RANBP3L: variants seen among roughly 807,000 people sequenced by gnomAD.
The protein encoded by RANBP3L is RAN binding protein 3 like, also known as ran-binding protein 3-like.
In RANBP3L, 56 loss-of-function variants were observed where a neutral mutation model predicts 67.2. That is an observed-to-expected ratio of 0.83 (90% CI 0.67 to 1.04). The LOEUF (loss-of-function observed/expected upper bound fraction) is 1.04. RANBP3L is among the 50% of genes least tolerant of loss of function. The pLI is 0.00. For missense variants in RANBP3L, 496 were observed against 535.5 expected (o/e 0.93, Z 0.73); for synonymous variants, 164 against 181.4 (o/e 0.90, Z 0.77).
At chr5:36,273,901 A>G (rs531615170) in intron 1 of RANBP3L, among the ~76,000 whole-genome samples, 1 of 152,188 alleles carries the variant, frequency 6.6e-6, no homozygotes, top group Non-Finnish European at 1.5e-5. Flanking sequence ...TTCCCTGTTC[A>G]TAGTGAACTG....
chr5:36,270,111 C>A, intron 2 of RANBP3L, 121 bp from the exon 3 acceptor site: 1 of 795,996 alleles, frequency 1.3e-6, no homozygotes, highest in Non-Finnish European at 2.2e-6. Context: ...ACTTTTGCAC[C>A]AACCTAGTAC....
At chr5:36,284,378 T>C (rs1422315837) in intron 1 of RANBP3L, among the ~76,000 whole-genome samples, 1 of 152,168 alleles carries the variant, frequency 6.6e-6, no homozygotes, top group South Asian at 2.1e-4. Flanking sequence ...CTTTTGAATA[T>C]TTTGCTAGAT....
At chr5:36,300,013 C>A (rs1752506260) in intron 1 of RANBP3L, among the ~76,000 whole-genome samples, 1 of 152,160 alleles carries the variant, frequency 6.6e-6, no homozygotes, top group Non-Finnish European at 1.5e-5. Context: ...GGTGGGGTTA[C>A]AGGTGACTTC....
At chr5:36,277,440 ATGTGTGTGTGTGTGTGTGTGTGTG>A (rs149996886) in intron 1 of RANBP3L, among the ~76,000 whole-genome samples, 19 of 114,988 alleles carry the variant, frequency 1.7e-4, no homozygotes, top group African/African-American at 5.5e-4. Flanking sequence ...ATATATATAT[ATGTGTGTGTGTGTGTGTGTGTGTG>A]TGTGTGTGTG....
At chr5:36,293,611 A>AG (rs372466070) in intron 1 of RANBP3L, among the ~76,000 whole-genome samples, 88,179 of 96,124 alleles carry the variant, frequency 0.92, 41,542 homozygotes, top group Non-Finnish European at 0.98. Context: ...TTTAGCATGA[A>AG]GGTTGTTGAA....
chr5:36,261,954 C>T lies in RANBP3L; in HGVS notation c.569G>A (p.Gly190Asp). ...VQLSTNQDFL[G>D]ATSVGCQPNE... is the part of the protein sequence containing the mutation. ...ATTAACTTACCCTACTGATGTTGCA[C>T]CTAAAAAGTCCTGGTTAGTAGACAG... is the stretch of plus-strand genomic sequence containing the variant. Residue 190 changes from glycine to aspartate, a missense_variant, in exon 7 of 14, where the codon GGT (glycine) becomes GAT (aspartate). Transcript: ENST00000296604. 6.4e-7 allele frequency: 1 copy of T among 1,560,382 alleles called. No individual in the cohort carries two copies. Among genetic ancestry groups the T allele is most frequent in the Non-Finnish European group, 8.8e-7 (1 of 1,135,064 alleles).
chr5:36,275,963 T>C (rs572002306), intron 1 of RANBP3L, among the ~76,000 whole-genome samples: 32 of 152,194 alleles, frequency 2.1e-4, no homozygotes, highest in African/African-American at 7.7e-4. Context: ...AAAAACTAAA[T>C]TAAAAAATAA....
intron 1 of RANBP3L, among the ~76,000 whole-genome samples, chr5:36,285,935 C>T (rs774241401): frequency 2.6e-5 from 4 of 152,158 alleles, no homozygotes; most frequent in Non-Finnish European, 5.9e-5. Flanking sequence ...AAGACCTGTA[C>T]CCTGTACTTT....
At chr5:36,264,472 T>C (rs1749613667) in intron 6 of RANBP3L, among the ~76,000 whole-genome samples, 1 of 152,202 alleles carries the variant, frequency 6.6e-6, no homozygotes, top group African/African-American at 2.4e-5. Context: ...AATTCTTATC[T>C]GTCTCTAGAG....
At chr5:36,289,885 C>T (rs764246044) in intron 1 of RANBP3L, among the ~76,000 whole-genome samples, 4 of 151,060 alleles carry the variant, frequency 2.6e-5, no homozygotes, top group Non-Finnish European at 5.9e-5. Context: ...TTTTTCTTAA[C>T]GTAATACACT....
At position 36,301,503 on chromosome 5, in the gene RANBP3L, C is replaced by T; in HGVS notation, c.-87G>A. Reference sequence around the variant, plus strand: ...CCTAAAGTGGCCTTCACCAGACACCCAGAAATACATAGATTCATGCAGATC... The same window carrying T: ...CCTAAAGTGGCCTTCACCAGACACCTAGAAATACATAGATTCATGCAGATC... On this transcript the variant is annotated 5_prime_UTR_variant, in exon 1 of 14. The change creates a premature stop within an existing upstream ORF in the 5' untranslated region. Coordinates refer to ENST00000296604, the MANE Select transcript of RANBP3L (RefSeq NM_145000.5). 1.1e-6 allele frequency: 1 copy of T among 879,520 alleles called. No individual in the cohort carries two copies. Among genetic ancestry groups the T allele is most frequent in the Non-Finnish European group, 1.9e-6 (1 of 525,984 alleles). 54.5% of individuals were successfully genotyped at this position (879,520 alleles called of 1,614,324 possible). A position where few individuals can be genotyped will look rare whatever the true frequency, so the allele number is the denominator to read the frequency against.
chr5:36,267,393 A>G (rs1188534956), intron 4 of RANBP3L, among the ~76,000 whole-genome samples: 1 of 152,052 alleles, frequency 6.6e-6, no homozygotes, highest in Non-Finnish European at 1.5e-5. Flanking sequence ...CTGTAGTCCC[A>G]GCTACTTGGA....
rs898801814 is a variant in RANBP3L at position 36,248,690 on chromosome 5, T to C, written c.*964A>G. 2.6e-5 allele frequency: 4 copies of C among 152,244 alleles called. No individual in the cohort carries two copies. Among genetic ancestry groups the C allele is most frequent in the African/African-American group, 9.6e-5 (4 of 41,548 alleles). The allele number at this position is 152,244 out of a possible 1,614,324, so 9.4% of individuals were successfully genotyped here. A position where few individuals can be genotyped will look rare whatever the true frequency, so the allele number is the denominator to read the frequency against. ...CACAATCAAAGTCACTTCGAAGCCATGGTGTGATAAAACTGAATTGAAAAA... is the reference window on the plus strand; with the variant it reads ...CACAATCAAAGTCACTTCGAAGCCACGGTGTGATAAAACTGAATTGAAAAA... On this transcript the variant is annotated 3_prime_UTR_variant, in exon 14 of 14. Transcript: ENST00000296604.
chr5:36,256,871 C>A (rs531574173), intron 10 of RANBP3L, 70 bp downstream of exon 10: 6 of 1,375,592 alleles, frequency 4.4e-6, no homozygotes, highest in South Asian at 1.4e-5. Flanking sequence ...TTTAAAGATG[C>A]CTCTTCTCAT....
chr5:36,298,427 G>A (rs142518272), intron 1 of RANBP3L, among the ~76,000 whole-genome samples: 4 of 152,324 alleles, frequency 2.6e-5, no homozygotes, highest in African/African-American at 9.6e-5. Flanking sequence ...AGGCTGGCTG[G>A]GGAAAGGCCA....
intron 4 of RANBP3L, among the ~76,000 whole-genome samples, chr5:36,268,859 C>A (rs1750001583): frequency 6.6e-6 from 1 of 152,054 alleles, no homozygotes; most frequent in African/African-American, 2.4e-5. Context: ...GAGGCACCTG[C>A]CACCATGCCC....
At chr5:36,271,373 T>G in intron 1 of RANBP3L, 62 bp from the exon 2 acceptor site, 1 of 1,077,212 alleles carries the variant, frequency 9.3e-7, no homozygotes, top group Admixed American at 2.3e-5. Flanking sequence ...TTACATCATC[T>G]AAAAATATTT....
chr5:36,287,573 A>T (rs941255338), intron 1 of RANBP3L, among the ~76,000 whole-genome samples: 39 of 152,222 alleles, frequency 2.6e-4, no homozygotes, highest in African/African-American at 9.4e-4. Context: ...CTTTAAAACA[A>T]TACAACACTG....
chr5:36,265,468 A>G lies in RANBP3L; in HGVS notation c.321T>C (p.Asp107=). 1 of 1,603,300 alleles carries G rather than the reference A, an allele frequency of 6.2e-7. No individual in the cohort carries two copies. Among genetic ancestry groups the G allele is most frequent in the Non-Finnish European group, 8.5e-7 (1 of 1,172,456 alleles). ...ACATACCTTGTTCAGCACTCTTTAT[A>G]TCAACACTACTTTGCACAAGAGCTG... is the stretch of plus-strand genomic sequence containing the variant. ...MTSALVQSSV[D]IKSAEQGPVK... Residue 107 remains aspartate, a synonymous_variant, in exon 5 of 14, where the codon GAT becomes GAC. Coordinates refer to ENST00000296604, the MANE Select transcript of RANBP3L (RefSeq NM_145000.5).
Sources: gnomAD v4.1 joint callset for allele counts (sites outside exome capture counted in the v4.1 genomes callset) on GRCh38, gnomAD v4.1.1 for gene constraint, MANE v1.5 for transcripts, NCBI Gene and HGNC (gene_info 2026-07-23, HGNC 2026-07-21) for gene names.